PCF11: variants seen among roughly 807,000 people sequenced by gnomAD.
PCF11 encodes the protein pre-mRNA cleavage complex 2 protein Pcf11.
A neutral mutation model predicts 166.1 loss-of-function variants in PCF11; 19 were observed. The ratio of observed to expected loss-of-function variants is 0.11; its 90% CI spans 0.08 to 0.17. The LOEUF is 0.17. Ranked by LOEUF, PCF11 falls within the 10% of genes least tolerant of loss-of-function variation. The pLI is 1.00. For missense variants in PCF11, 1,565 were observed against 1,855.5 expected, an observed-to-expected ratio of 0.84 and a Z score of 2.88; for synonymous variants, 663 against 644.1, an observed-to-expected ratio of 1.03 and a Z score of -0.44.
chr11:83,157,706 G>A (rs1450920785), intron 1 of PCF11, 75 bp downstream of exon 1: 19 of 1,341,598 alleles, frequency 1.4e-5, no homozygotes, highest in Non-Finnish European at 1.7e-5. Context: ...CCCAGGTCTC[G>A]CTTCCATCCC....
intron 9 of PCF11, among the ~76,000 whole-genome samples, chr11:83,173,114 G>T (rs955439238): frequency 6.6e-6 from 1 of 152,126 alleles, no homozygotes; most frequent in Non-Finnish European, 1.5e-5. Flanking sequence ...TTATAAATGC[G>T]CAGGCTTTAA....
chr11:83,160,446 T>C (rs879381811), intron 1 of PCF11, among the ~76,000 whole-genome samples: 1 of 151,412 alleles, frequency 6.6e-6, no homozygotes, highest in Non-Finnish European at 1.5e-5. Flanking sequence ...AACCTGCTGA[T>C]GCTTTCTGGA....
At chr11:83,174,359 T>A (rs2135436268) in intron 9 of PCF11, among the ~76,000 whole-genome samples, 1 of 151,268 alleles carries the variant, frequency 6.6e-6, no homozygotes, top group African/African-American at 2.4e-5. Flanking sequence ...GGTTCATCCT[T>A]CAAAGACCTT....
At chr11:83,176,986 T>G (rs1860906884) in intron 9 of PCF11, 99 bp from the exon 10 acceptor site, 1 of 798,336 alleles carries the variant, frequency 1.3e-6, no homozygotes, top group Non-Finnish European at 1.8e-6. Context: ...GCAGGACATC[T>G]TGAAGAAAAC....
intron 9 of PCF11, among the ~76,000 whole-genome samples, chr11:83,172,595 G>C (rs780755472): frequency 3.9e-5 from 6 of 151,984 alleles, no homozygotes; most frequent in Non-Finnish European, 8.8e-5. Context: ...GCTAACTTTT[G>C]TATTTTTACG....
At chr11:83,171,477 T>C (rs17144721) in intron 8 of PCF11, among the ~76,000 whole-genome samples, 3,274 of 152,308 alleles carry the variant, frequency 0.021, 111 homozygotes, top group African/African-American at 0.075. Context: ...TAAAGTGACT[T>C]GTGTAAAGTA....
intron 15 of PCF11, 175 bp from the exon 16 acceptor site, chr11:83,184,504 A>G (rs1861202809): frequency 6.7e-6 from 4 of 593,568 alleles, no homozygotes; most frequent in East Asian, 2.9e-5. Context: ...AACGTGCAAT[A>G]TATATTTTAT....
intron 2 of PCF11, among the ~76,000 whole-genome samples, chr11:83,162,971 A>G (rs1860313673): frequency 6.6e-6 from 1 of 152,190 alleles, no homozygotes; most frequent in East Asian, 1.9e-4. Context: ...ACGGGGTTTC[A>G]CCATTGTTGG....
At chr11:83,181,399 T>C (rs1436756813) in intron 12 of PCF11, among the ~76,000 whole-genome samples, 3 of 150,220 alleles carry the variant, frequency 2.0e-5, no homozygotes, top group East Asian at 1.9e-4. Flanking sequence ...TTTTGAAGAG[T>C]ATTTTTTTTT....
intron 7 of PCF11, 113 bp from the exon 8 acceptor site, chr11:83,168,315 C>G: frequency 4.9e-6 from 5 of 1,022,510 alleles, no homozygotes; most frequent in Non-Finnish European, 6.9e-6. Context: ...CGCTGTCGGT[C>G]TCTCCTGCCC....
intron 9 of PCF11, 30 bp from the exon 10 acceptor site, chr11:83,177,054 GT>G (rs762930619): frequency 9.9e-6 from 14 of 1,418,054 alleles, no homozygotes; most frequent in South Asian, 3.2e-5. Context: ...TTCAAAAGTG[GT>G]TTTTTTTCTT....
At chr11:83,157,571 C>G (rs1202213653) in exon 1 of PCF11, 2 of 1,613,894 alleles carry the variant, frequency 1.2e-6, no homozygotes, top group Non-Finnish European at 1.7e-6. Context: ...CCATTCTAGC[C>G]GAGGAGAACC....
chr11:83,176,845 CAAA>C (rs879497723), intron 9 of PCF11, among the ~76,000 whole-genome samples: 2 of 143,070 alleles, frequency 1.4e-5, no homozygotes, highest in African/African-American at 5.1e-5. Context: ...AATAAAAAAA[CAAA>C]AAAAAAAGAA....
intron 1 of PCF11, among the ~76,000 whole-genome samples, chr11:83,159,944 A>G (rs936762479): frequency 9.2e-5 from 14 of 152,216 alleles, no homozygotes; most frequent in Non-Finnish European, 1.8e-4. Context: ...GTTTATCTTC[A>G]TAAGTACAAT....
At chr11:83,166,337 A>G in exon 5 of PCF11, 1 of 1,613,950 alleles carries the variant, frequency 6.2e-7, no homozygotes, top group South Asian at 1.1e-5. Flanking sequence ...GAAAGCGATC[A>G]AGATCTCGAT....
chr11:83,157,425 G>A (rs866933522), exon 1 of PCF11: 1 of 1,603,722 alleles, frequency 6.2e-7, no homozygotes, highest in African/African-American at 1.3e-5. Flanking sequence ...GACCTCGGAG[G>A]GGGGCCGCGG....
At chr11:83,157,715 C>A in intron 1 of PCF11, 84 bp downstream of exon 1, 2 of 1,237,168 alleles carry the variant, frequency 1.6e-6, no homozygotes, top group Non-Finnish European at 2.4e-6. Context: ...CGCTTCCATC[C>A]CAAGGGGGAC....
chr11:83,162,882 C>A (rs1449987255), intron 2 of PCF11, among the ~76,000 whole-genome samples: 1 of 152,180 alleles, frequency 6.6e-6, no homozygotes, highest in Non-Finnish European at 1.5e-5. Context: ...TCAAGTGATT[C>A]TCCTGCCTCA....
exon 8 of PCF11, chr11:83,169,041 T>C: frequency 6.2e-7 from 1 of 1,613,168 alleles, no homozygotes; most frequent in Non-Finnish European, 8.5e-7. Flanking sequence ...TGGGTGGACT[T>C]AGATTTGATA....
Sources: allele counts gnomAD v4.1 joint callset (sites outside exome capture counted in the v4.1 genomes callset), GRCh38; gene constraint gnomAD v4.1.1; transcripts MANE v1.5; gene names NCBI Gene and HGNC (gene_info 2026-07-23, HGNC 2026-07-21).